RNF8: variants seen among roughly 807,000 people sequenced by gnomAD.
The protein encoded by RNF8 is ring finger protein 8, also known as E3 ubiquitin-protein ligase RNF8.
RNF8 carries 8 observed loss-of-function variants against 59.3 expected under a neutral mutation model. The ratio of observed to expected loss-of-function variants is 0.13; its 90% CI spans 0.08 to 0.24. The LOEUF (loss-of-function observed/expected upper bound fraction) is 0.24. Ranked by LOEUF, RNF8 falls within the 10% of genes least tolerant of loss-of-function variation. RNF8 has a pLI of 1.00. For missense variants in RNF8, 406 were observed against 572.6 expected (o/e 0.71, Z 2.97); for synonymous variants, 162 against 200.0 (o/e 0.81, Z 1.60).
Position 37,368,007 on chromosome 6 carries a change from C to T in RNF8, c.241-477C>T, listed in dbSNP as rs543815518. ...ACCCCAGTACCAGATATAGTACTCT[C>T]TTTTTTTTGGTTTATGTGTGCTTGC... On this transcript the variant is annotated intron_variant, in intron 2 of 7. Transcript: ENST00000373479. Among the ~76,000 whole-genome samples the T allele has an allele frequency of 3.3e-5, 5 of 152,148 alleles. No homozygotes were observed. The South Asian group carries it at 6.2e-4, about 19-fold the overall frequency.
chr6:37,368,279 A>T, intron 2 of RNF8: 1 of 1,171,142 alleles, frequency 8.5e-7, no homozygotes, highest in Non-Finnish European at 1.2e-6. Flanking sequence ...CTGTGGAGGC[A>T]TGAATGTGAA....
In RNF8 at chr6:37,369,135, CAGCTGTGTGCAG is replaced by C; in HGVS notation, c.896_907del (p.Leu299_Glu302del). 6.2e-7 allele frequency: 1 copy of C among 1,614,170 alleles called. No homozygotes were observed. The highest frequency in any genetic ancestry group is 8.5e-7 in the Non-Finnish European group (1 of 1,180,034). ...GCAGGAACTTCAGGACTTACAGTCC[CAGCTGTGTGCAG>C]AGCAGGCTCAGCAGCAGGCAAGAGT... On this transcript the variant is annotated inframe_deletion, in exon 3 of 8. Transcript: ENST00000373479.
intron 1 of RNF8, among the ~76,000 whole-genome samples, 193 bp downstream of exon 1, chr6:37,354,468 C>T (rs951837958): frequency 2.0e-5 from 3 of 149,852 alleles, no homozygotes; most frequent in Non-Finnish European, 4.4e-5. Context: ...GCGCGAGCGG[C>T]TGAAGGGTCT....
rs1769688552 is a variant in RNF8 at position 37,369,020 on chromosome 6, C to A, written c.777C>A (p.Leu259=). The A allele has an allele frequency of 6.2e-7, 1 of 1,614,124 alleles. No homozygotes were observed. The highest frequency in any genetic ancestry group is 2.2e-5 in the East Asian group (1 of 44,882). ...TGACCATGTCCAGGATTCTGAGGCT[C>A]AAAATACAGATGCAGGAAAAACATG... The part of the protein sequence containing the change: ...FKVTMSRILR[L]KIQMQEKHEA... Residue 259 remains leucine, a synonymous_variant, in exon 3 of 8, where the codon CTC becomes CTA. Coordinates refer to ENST00000373479, the MANE Select transcript of RNF8 (RefSeq NM_003958.4).
intron 6 of RNF8, among the ~76,000 whole-genome samples, chr6:37,379,235 C>T (rs1770153443): frequency 1.3e-5 from 2 of 152,010 alleles, no homozygotes; most frequent in Admixed American, 6.6e-5. Context: ...AGGCTGGTCT[C>T]GAACTCCTGA....
rs1284636699 is a variant in RNF8 at position 37,369,182 on chromosome 6, A to G, written c.939A>G (p.Leu313=). 1.2e-6 allele frequency: 2 copies of G among 1,613,002 alleles called. No homozygotes were observed. The highest frequency in any genetic ancestry group is 1.7e-6 in the Non-Finnish European group (2 of 1,179,570). Residue 313 remains leucine, a synonymous_variant, in exon 3 of 8, where the codon CTA becomes CTG. Transcript: ENST00000373479. ...QAQQQARVEQ[L]EKTFQEEEQH... ...AGCAGCAGGCAAGAGTGGAGCAACT[A>G]GAGAAGACTTTCCAGGAAGAGGAAC...
intron 2 of RNF8, chr6:37,361,093 T>C (rs1237504070): frequency 5.6e-6 from 2 of 357,340 alleles, no homozygotes; most frequent in Non-Finnish European, 1.1e-5. Context: ...TTTTCTCCTT[T>C]AAACAAATTT....
rs898821436 is a variant in RNF8 at position 37,377,161 on chromosome 6, T to C, written c.1236+128T>C. On this transcript the variant is annotated intron_variant, in intron 6 of 7. Transcript: ENST00000373479. ...AATCTCGGCTCACTGCAACCTCCAC[T>C]TCCTGGGCTCAAGCAGTTCTTGTGC... The C allele has an allele frequency of 2.5e-5, 14 of 562,410 alleles. No homozygotes were observed. The Admixed American group carries it at 4.6e-4, about 18-fold the overall frequency. The allele number at this position is 562,410 out of a possible 1,614,324, so 34.8% of individuals were successfully genotyped here. A position where few individuals can be genotyped will look rare whatever the true frequency, so the allele number is the denominator to read the frequency against.
At chr6:37,368,377 G>C in intron 2 of RNF8, 107 bp from the exon 3 acceptor site, 1 of 1,609,096 alleles carries the variant, frequency 6.2e-7, no homozygotes, top group South Asian at 1.1e-5. Flanking sequence ...TTGTTATCAA[G>C]AGTTTTCCTT....
chr6:37,374,182 C>T (rs1203085772), intron 4 of RNF8, among the ~76,000 whole-genome samples: 6 of 152,196 alleles, frequency 3.9e-5, no homozygotes, highest in African/African-American at 1.4e-4. Flanking sequence ...CTGATTATTT[C>T]ATAAAAGCTG....
Position 37,368,464 on chromosome 6 carries a change from C to A in RNF8, c.241-20C>A. 6.2e-7 allele frequency: 1 copy of A among 1,614,090 alleles called. No homozygotes were observed. The highest frequency in any genetic ancestry group is 8.5e-7 in the Non-Finnish European group (1 of 1,179,978). On this transcript the variant is annotated intron_variant, in intron 2 of 7. Transcript: ENST00000373479. ...ACGAAAATCATGAAGCTTATTTCTT[C>A]TTTCTTTCACTTTCCCCAGAGTCTA...
chr6:37,359,854 C>T (rs1311454862), intron 1 of RNF8, among the ~76,000 whole-genome samples: 2 of 152,180 alleles, frequency 1.3e-5, no homozygotes, highest in Non-Finnish European at 2.9e-5. Context: ...TAAAGATAAA[C>T]CAGCAGTCCC....
chr6:37,390,026 C>T (rs887281714), intron 7 of RNF8, among the ~76,000 whole-genome samples: 1 of 152,242 alleles, frequency 6.6e-6, no homozygotes, highest in Admixed American at 6.5e-5. Context: ...CACAAGGAAG[C>T]GGACTATTGG....
rs1253344555 is a variant in RNF8, at chr6:37,360,768, A to G, written c.240+194A>G. On this transcript the variant is annotated intron_variant, in intron 2 of 7. Coordinates refer to ENST00000373479, the MANE Select transcript of RNF8 (RefSeq NM_003958.4). The surrounding 1 kb of genome is among the most constrained non-coding windows in gnomAD (Gnocchi z 4.2). ...GATTATGCTAAAATAATTTCTCTTG[A>G]TTTGGGTTAAAGTTTGTTAACTTGA... Among the ~76,000 whole-genome samples the G allele has an allele frequency of 6.6e-6, 1 of 151,920 alleles. No individual in the cohort carries two copies. Among genetic ancestry groups the G allele is most frequent in the African/African-American group, 2.4e-5 (1 of 41,338 alleles).
At chr6:37,383,895 G>A (rs967521973) in intron 7 of RNF8, among the ~76,000 whole-genome samples, 2 of 152,086 alleles carry the variant, frequency 1.3e-5, no homozygotes, top group African/African-American at 4.8e-5. Flanking sequence ...GAGCTGGTGA[G>A]GTGAGAGAGC....
chr6:37,380,161 CCTT>C (rs1770193912), intron 6 of RNF8, among the ~76,000 whole-genome samples: 1 of 152,096 alleles, frequency 6.6e-6, no homozygotes, highest in African/African-American at 2.4e-5. Context: ...AAGCAGTCCA[CCTT>C]CTTCAGCTCC....
intron 1 of RNF8, among the ~76,000 whole-genome samples, chr6:37,356,889 C>T (rs1364855527): frequency 1.3e-5 from 2 of 152,182 alleles, no homozygotes; most frequent in African/African-American, 2.4e-5. Context: ...CAGATATGCA[C>T]CACTATGCCC....
Position 37,391,008 on chromosome 6 carries a change from C to T in RNF8, c.*250C>T. 1.7e-6 allele frequency: 1 copy of T among 595,072 alleles called. No individual in the cohort carries two copies. Among genetic ancestry groups the T allele is most frequent in the Non-Finnish European group, 3.0e-6 (1 of 333,172 alleles). 36.9% of individuals were successfully genotyped at this position (595,072 alleles called of 1,614,324 possible). On this transcript the variant is annotated 3_prime_UTR_variant, in exon 8 of 8. Transcript: ENST00000373479. ...TCAGGGTACTTCGTAGACTCTGCCT[C>T]ACTACATGTCGAAAGAGTTATTTGA...
chr6:37,383,596 T>G (rs913348610), intron 7 of RNF8, among the ~76,000 whole-genome samples: 49 of 152,326 alleles, frequency 3.2e-4, no homozygotes, highest in African/African-American at 1.2e-3. Context: ...ACAGCCTCAC[T>G]TCTAGGCCTC....
Sources: allele counts gnomAD v4.1 joint callset (sites outside exome capture counted in the v4.1 genomes callset), GRCh38; gene constraint gnomAD v4.1.1; non-coding constraint Gnocchi (gnomAD v3.1); transcripts MANE v1.5; gene names NCBI Gene and HGNC (gene_info 2026-07-23, HGNC 2026-07-21).